Variants in CSMD3 observed in about 807,000 individuals in gnomAD.
CSMD3 encodes CUB and Sushi multiple domains 3, also known as CUB and sushi domain-containing protein 3.
In CSMD3, 177 loss-of-function variants were observed where a neutral mutation model predicts 435.2. That is an observed-to-expected ratio of 0.41 (90% CI 0.36 to 0.46). The LOEUF is 0.46. CSMD3 is among the 20% of genes least tolerant of loss of function. CSMD3 has a pLI of 0.34. For missense variants in CSMD3, 4,265 were observed against 4,504.6 expected (o/e 0.95, Z 1.52); for synonymous variants, 1,656 against 1,520.5 (o/e 1.09, Z -2.07).
Position 112,284,984 on chromosome 8 carries a change from A to T in CSMD3, c.9331+2080T>A, listed in dbSNP as rs1004181771. On this transcript the variant is annotated intron_variant, in intron 58 of 70. Transcript: ENST00000297405. ...AATTTTTTATTAGTAGTTCTGTTGA[A>T]TTTTTTCTATAGGTTACAGTTTTTT... Among the ~76,000 whole-genome samples the T allele has an allele frequency of 4.4e-4, 67 of 151,608 alleles. 1 individual carries two copies. Among genetic ancestry groups the T allele is most frequent in the Admixed American group, 2.6e-4 (4 of 15,182 alleles).
chr8:112,276,686 T>G (rs1448702745), intron 59 of CSMD3, among the ~76,000 whole-genome samples: 2 of 151,874 alleles, frequency 1.3e-5, no homozygotes, highest in Non-Finnish European at 2.9e-5. Flanking sequence ...GACTTCAGAG[T>G]GTACAAGTCC....
At chr8:112,581,955 T>C (rs1197965979) in intron 23 of CSMD3, among the ~76,000 whole-genome samples, 1 of 151,980 alleles carries the variant, frequency 6.6e-6, no homozygotes, top group Non-Finnish European at 1.5e-5. Context: ...AGGAAGAATA[T>C]GTAAGCAGAA....
chr8:112,968,097 A>G (rs2084493152), intron 7 of CSMD3, among the ~76,000 whole-genome samples: 1 of 150,742 alleles, frequency 6.6e-6, no homozygotes, highest in African/African-American at 2.4e-5. Context: ...TGGGCCCAGA[A>G]AAAAAAAAGT....
intron 22 of CSMD3, among the ~76,000 whole-genome samples, chr8:112,608,755 C>G (rs1241341029): frequency 6.6e-6 from 1 of 151,920 alleles, no homozygotes; most frequent in East Asian, 1.9e-4. Flanking sequence ...GGGGAAAGAA[C>G]AGTCTCTTCA....
At chr8:113,178,713 G>A (rs2092382404) in intron 3 of CSMD3, among the ~76,000 whole-genome samples, 1 of 151,816 alleles carries the variant, frequency 6.6e-6, no homozygotes, top group Non-Finnish European at 1.5e-5. Context: ...CAGTGAACAA[G>A]TATATTTGAA....
chr8:112,651,111 T>C (rs1272825189), intron 18 of CSMD3, among the ~76,000 whole-genome samples: 1 of 152,180 alleles, frequency 6.6e-6, no homozygotes, highest in Admixed American at 6.5e-5. Flanking sequence ...GCTACACATT[T>C]CTTGGGGTGC....
chr8:112,656,333 G>C lies in CSMD3; in HGVS notation c.2825C>G (p.Thr942Ser), dbSNP rs1292609055. 1 of 1,610,748 alleles carries C rather than the reference G, an allele frequency of 6.2e-7. No individual in the cohort carries two copies. Among genetic ancestry groups the C allele is most frequent in the Non-Finnish European group, 8.5e-7 (1 of 1,177,402 alleles). The change falls in exon 18 of 71, where the codon ACT (threonine) becomes AGT (serine). Residue 942 changes from threonine (T) to serine (S), a missense_variant. Thr to Ser is a moderately conservative substitution (Grantham distance 58). Around this residue, in one of 3 missense-constraint regions of CSMD3, gnomAD observed 3,255 missense variants for 3,380.2 expected, o/e 0.96. Transcript: ENST00000297405. ...SIKITFERFQ[T>S]ELNYDVLEVH... ...TTCCAGAACATCATAATTCAGTTCAGTCTGAAATCTAAGATTAAAAGACAC... is the reference window on the plus strand; with the variant it reads ...TTCCAGAACATCATAATTCAGTTCACTCTGAAATCTAAGATTAAAAGACAC...
chr8:112,651,695 T>G (rs56861329), intron 18 of CSMD3, among the ~76,000 whole-genome samples: 81,020 of 151,754 alleles, frequency 0.53, 22,767 homozygotes, highest in African/African-American at 0.72. Context: ...ATGCCACCAT[T>G]CCCGGCTAAT....
chr8:113,345,836 T>C lies in CSMD3; in HGVS notation c.179-31043A>G, dbSNP rs141512563. Among the ~76,000 whole-genome samples, 224 of 152,224 alleles carry C rather than the reference T, an allele frequency of 1.5e-3. 2 individuals carry two copies. Among genetic ancestry groups the C allele is most frequent in the East Asian group, 2.9e-3 (15 of 5,138 alleles). The stretch of plus-strand genomic sequence containing the variant: ...AGTAGTTGCCCAGGTTATACAGCTT[T>C]AAAATGGCTGAACTGGGATGGGAAT... On this transcript the variant is annotated intron_variant, in intron 1 of 70. Coordinates refer to ENST00000297405, the MANE Select transcript of CSMD3 (RefSeq NM_198123.2).
At chr8:112,761,454 G>C (rs1048171594) in intron 13 of CSMD3, among the ~76,000 whole-genome samples, 1 of 151,868 alleles carries the variant, frequency 6.6e-6, no homozygotes, top group African/African-American at 2.4e-5. Context: ...AAGCTACTAG[G>C]ATCTATCTAT....
intron 39 of CSMD3, among the ~76,000 whole-genome samples, chr8:112,351,778 T>C (rs1826159408): frequency 6.6e-6 from 1 of 152,030 alleles, no homozygotes; most frequent in African/African-American, 2.4e-5. Context: ...TTAATTTTGC[T>C]TTCTCTGAAG....
intron 13 of CSMD3, among the ~76,000 whole-genome samples, chr8:112,790,877 G>A (rs1355286000): frequency 1.3e-5 from 2 of 152,004 alleles, no homozygotes; most frequent in South Asian, 2.1e-4. Context: ...TTACACTAGC[G>A]TTCAGTTTGA....
chr8:113,428,352 T>G (rs371412821), intron 1 of CSMD3, among the ~76,000 whole-genome samples: 21 of 151,740 alleles, frequency 1.4e-4, no homozygotes, highest in African/African-American at 4.8e-4. Context: ...AGAGGTTTAA[T>G]TGGTAACTTA....
intron 1 of CSMD3, among the ~76,000 whole-genome samples, chr8:113,328,137 T>C (rs971589165): frequency 2.6e-5 from 4 of 151,826 alleles, no homozygotes; most frequent in African/African-American, 9.7e-5. Flanking sequence ...GAAAACCTTT[T>C]GGGATAAGAT....
At chr8:112,243,291 A>G (rs1299875706) in intron 65 of CSMD3, among the ~76,000 whole-genome samples, 1 of 152,132 alleles carries the variant, frequency 6.6e-6, no homozygotes, top group African/African-American at 2.4e-5. Context: ...GAAAATGAAA[A>G]CATTTCAAGT....
intron 5 of CSMD3, among the ~76,000 whole-genome samples, chr8:113,087,432 G>A (rs1292035705): frequency 6.6e-6 from 1 of 152,134 alleles, no homozygotes. Flanking sequence ...AAAGCTGGAG[G>A]CATCATGCTA....
At chr8:112,491,958 G>C (rs952819105) in intron 31 of CSMD3, among the ~76,000 whole-genome samples, 3 of 152,082 alleles carry the variant, frequency 2.0e-5, no homozygotes, top group Admixed American at 1.3e-4. Context: ...CTTATATAGA[G>C]AGAGTTATAT....
At chr8:112,628,952 G>A (rs1175038735) in intron 22 of CSMD3, among the ~76,000 whole-genome samples, 1 of 151,384 alleles carries the variant, frequency 6.6e-6, no homozygotes, top group African/African-American at 2.4e-5. Flanking sequence ...AAGATTTTAA[G>A]TAAGAGAGTA....
chr8:113,021,416 T>G (rs1248174387), intron 5 of CSMD3, among the ~76,000 whole-genome samples: 1 of 152,340 alleles, frequency 6.6e-6, no homozygotes, highest in African/African-American at 2.4e-5. Flanking sequence ...TTGGTTTTGT[T>G]CAATTCCCTA....
Sources: gnomAD v4.1 joint callset for allele counts (sites outside exome capture counted in the v4.1 genomes callset) on GRCh38, gnomAD v4.1.1 for gene constraint, gnomAD v4.1.1 regional missense constraint, MANE v1.5 for transcripts, NCBI Gene and HGNC (gene_info 2026-07-23, HGNC 2026-07-21) for gene names.